NLRP9: variants seen among roughly 807,000 people sequenced by gnomAD.
The protein encoded by NLRP9 is NACHT, LRR and PYD domains-containing protein 9.
NLRP9 carries 88 observed loss-of-function variants against 83.1 expected under a neutral mutation model. The ratio of observed to expected loss-of-function variants is 1.06; its 90% CI spans 0.89 to 1.26. The LOEUF is 1.26. Ranked by LOEUF, NLRP9 falls within the 50% of genes most tolerant of loss-of-function variation. The pLI is 0.00. For synonymous variants in NLRP9, 521 were observed against 447.6 expected, an observed-to-expected ratio of 1.16 and a Z score of -2.07; for missense variants, 1,308 against 1,179.3, an observed-to-expected ratio of 1.11 and a Z score of -1.60.
intron 6 of NLRP9, among the ~76,000 whole-genome samples, chr19:55,713,382 C>A (rs893235259): frequency 9.2e-5 from 14 of 151,750 alleles, no homozygotes; most frequent in Non-Finnish European, 1.2e-4. Context: ...CATATAGATA[C>A]ATGATACACA....
chr19:55,733,965 C>T (rs1207699059), intron 1 of NLRP9, among the ~76,000 whole-genome samples: 1 of 132,556 alleles, frequency 7.5e-6, no homozygotes, highest in Non-Finnish European at 1.5e-5. Flanking sequence ...CTCTGTCGCC[C>T]AGGCTGGAGT....
intron 3 of NLRP9, among the ~76,000 whole-genome samples, chr19:55,725,755 G>C (rs1008283142): frequency 6.6e-5 from 10 of 152,140 alleles, no homozygotes; most frequent in African/African-American, 2.4e-4. Context: ...GGCCGGGCGC[G>C]GTGGCTCCCG....
intron 8 of NLRP9, chr19:55,711,586 T>C (rs1234617668): frequency 2.2e-6 from 2 of 909,846 alleles, no homozygotes; most frequent in African/African-American, 1.6e-5. Context: ...AGGGAAGTGC[T>C]ACTGGCAACT....
chr19:55,711,930 TGTC>T lies in NLRP9; in HGVS notation c.2710_2712del (p.Asp904del), dbSNP rs766403840. 5 of 1,613,110 alleles carry T rather than the reference TGTC, an allele frequency of 3.1e-6. No homozygotes were observed. In the South Asian group the frequency reaches 3.3e-5, roughly 11 times the overall value. On this transcript the variant is annotated inframe_deletion, in exon 8 of 9. Transcript: ENST00000332836. ...TTGCAGGCGATGAGTGCTGCGGCGA[TGTC>T]GTCGCAGCAGGCACGGGTGATCGGA... is the stretch of plus-strand genomic sequence containing the variant.
In NLRP9 at chr19:55,712,547, C is replaced by T; in HGVS notation, c.2545G>A (p.Ala849Thr). 1 of 1,612,592 alleles carries T rather than the reference C, an allele frequency of 6.2e-7. No homozygotes were observed. Among genetic ancestry groups the T allele is most frequent in the Non-Finnish European group, 8.5e-7 (1 of 1,179,878 alleles). The stretch of plus-strand genomic sequence containing the variant: ...TTCCCATTGCAAATAAGAACAGCAG[C>T]AATGTCCTTACAGGAATCGGAAGTA... ...FLTSDSCKDI[A>T]AVLICNGKLK... Residue 849 changes from alanine (A) to threonine (T), a missense_variant, in exon 7 of 9, where the codon GCT becomes ACT. Transcript: ENST00000332836.
At chr19:55,711,339 ACT>A in intron 8 of NLRP9, 1 of 1,098,226 alleles carries the variant, frequency 9.1e-7, no homozygotes, top group African/African-American at 1.7e-5. Flanking sequence ...AATAGGTACA[ACT>A]CTAAAGGCAA....
chr19:55,709,150 G>C (rs184959186), intron 8 of NLRP9, 106 bp from the exon 9 acceptor site: 5 of 721,040 alleles, frequency 6.9e-6, no homozygotes, highest in Non-Finnish European at 1.1e-5. Flanking sequence ...TTCTTTCCTA[G>C]AAATCACTGG....
rs753537736 is a variant in NLRP9, at chr19:55,732,155, G to A, written c.1676C>T (p.Thr559Ile). Residue 559 changes from threonine (T) to isoleucine (I), a missense_variant, in exon 2 of 9, where the codon ACC becomes ATC. Physicochemically the swap from Thr to Ile is moderately conservative, Grantham distance 89. Transcript: ENST00000332836. ...TTCTTCAAAGAAATTCATCACTTTG[G>A]TTACAAATTCTTTTTCCTGAGTTTC... Reference protein sequence around the residue: ...LFETQEKEFVTKVMNFFEEVF... With the variant: ...LFETQEKEFVIKVMNFFEEVF... 4 of 1,613,004 alleles carry A rather than the reference G, an allele frequency of 2.5e-6. No homozygotes were observed. The highest frequency in any genetic ancestry group is 3.4e-6 in the Non-Finnish European group (4 of 1,179,764).
Position 55,708,958 on chromosome 19 carries a change from C to G in NLRP9, c.2930G>C (p.Gly977Ala), listed in dbSNP as rs1475572180. The stretch of plus-strand genomic sequence containing the variant: ...CTTGTATTCCTCGTCAATCCAAGGT[C>G]CATGTGAAATGGTCAGATGGGGAAT... ...EKIPHLTISH[G>A]PWIDEEYKIR... Residue 977 changes from glycine (G) to alanine (A), a missense_variant, in exon 9 of 9, where the codon GGA becomes GCA. Transcript: ENST00000332836. 3 of 1,587,946 alleles carry G rather than the reference C, an allele frequency of 1.9e-6. No homozygotes were observed. Among genetic ancestry groups the G allele is most frequent in the Non-Finnish European group, 2.6e-6 (3 of 1,170,316 alleles).
chr19:55,733,714 G>A (rs1988681103), intron 1 of NLRP9, among the ~76,000 whole-genome samples, 164 bp from the exon 2 acceptor site: 1 of 152,158 alleles, frequency 6.6e-6, no homozygotes, highest in South Asian at 2.1e-4. Context: ...ATGATGGGAA[G>A]TGGGGGTCAG....
At chr19:55,734,604 TACAC>T (rs35062004) in intron 1 of NLRP9, among the ~76,000 whole-genome samples, 22 of 132,324 alleles carry the variant, frequency 1.7e-4, no homozygotes, top group East Asian at 1.3e-3. Flanking sequence ...TACATACACA[TACAC>T]ACACACACAC....
Position 55,725,172 on chromosome 19 carries a change from C to T in NLRP9, c.1995-1028G>A, listed in dbSNP as rs115457712. ...TATATGTGTATTTATAAACCAAATA[C>T]GTAACTACAAATATGTGTCTATAAG... On this transcript the variant is annotated intron_variant, in intron 3 of 8. Coordinates refer to ENST00000332836, the MANE Select transcript of NLRP9 (RefSeq NM_176820.4). 1.6e-3 allele frequency among the ~76,000 whole-genome samples: 241 copies of T among 152,208 alleles called. 2 individuals carry two copies. Among genetic ancestry groups the T allele is most frequent in the African/African-American group, 5.4e-3 (223 of 41,530 alleles).
intron 4 of NLRP9, among the ~76,000 whole-genome samples, chr19:55,719,688 CAG>C (rs751879819): frequency 3.4e-4 from 52 of 152,294 alleles, no homozygotes; most frequent in Non-Finnish European, 6.5e-4. Context: ...TCTCTCCTGT[CAG>C]ACCAAGAGGA....
At chr19:55,724,879 G>A (rs892395032) in intron 3 of NLRP9, among the ~76,000 whole-genome samples, 6 of 151,972 alleles carry the variant, frequency 3.9e-5, no homozygotes, top group South Asian at 2.1e-4. Flanking sequence ...GCAACAAGGC[G>A]AAACCCCGTC....
Position 55,733,020 on chromosome 19 carries a change from G to C in NLRP9, c.811C>G (p.Leu271Val). Reference sequence around the variant, plus strand: ...GCCAGTTTTCCTAATGCAATAAGGAGAGAGGATTCTGGAAGCATCTTTTTT... The same window carrying C: ...GCCAGTTTTCCTAATGCAATAAGGACAGAGGATTCTGGAAGCATCTTTTTT... ...LQKKMLPESS[L>V]LIALGKLAMQ... The change falls in exon 2 of 9, where the codon CTC becomes GTC. Residue 271 changes from leucine (L) to valine (V), a missense_variant. Coordinates refer to ENST00000332836, the MANE Select transcript of NLRP9 (RefSeq NM_176820.4). 1 of 1,614,032 alleles carries C rather than the reference G, an allele frequency of 6.2e-7. No individual in the cohort carries two copies. Among genetic ancestry groups the C allele is most frequent in the Non-Finnish European group, 8.5e-7 (1 of 1,180,002 alleles).
At chr19:55,718,985 C>T (rs1988131928) in intron 4 of NLRP9, among the ~76,000 whole-genome samples, 1 of 152,224 alleles carries the variant, frequency 6.6e-6, no homozygotes, top group Non-Finnish European at 1.5e-5. Context: ...CCCAGCTGCA[C>T]ATCTGTATCT....
At position 55,729,970 on chromosome 19, in the gene NLRP9, A is replaced by C; in HGVS notation, c.1855T>G (p.Trp619Gly). 6.2e-7 allele frequency: 1 copy of C among 1,613,390 alleles called. No individual in the cohort carries two copies. The highest frequency in any genetic ancestry group is 8.5e-7 in the Non-Finnish European group (1 of 1,179,694). ...ISDYNEKLVY[W>G]RELCSMFITN... The stretch of plus-strand genomic sequence containing the variant: ...ATGAACATTGAGCAAAGCTCCCGCC[A>C]GTAGACGAGCTTCTCATTGTAACTA... Residue 619 changes from tryptophan to glycine, a missense_variant, in exon 3 of 9, where the codon TGG (tryptophan) becomes GGG (glycine). Physicochemically the swap from Trp to Gly is radical, Grantham distance 184. Coordinates refer to ENST00000332836, the MANE Select transcript of NLRP9 (RefSeq NM_176820.4).
chr19:55,725,619 C>G (rs1008813736), intron 3 of NLRP9, among the ~76,000 whole-genome samples: 1 of 152,044 alleles, frequency 6.6e-6, no homozygotes, highest in African/African-American at 2.4e-5. Context: ...ACCACCTGCC[C>G]GGAGATAAAG....
chr19:55,709,070 T>G (rs775443840), intron 8 of NLRP9, 26 bp from the exon 9 acceptor site: 7 of 1,548,474 alleles, frequency 4.5e-6, no homozygotes, highest in Non-Finnish European at 5.2e-6. Flanking sequence ...TAAAGTTTTT[T>G]TTTTTGTTTT....
Sources: allele counts gnomAD v4.1 joint callset (sites outside exome capture counted in the v4.1 genomes callset), GRCh38; gene constraint gnomAD v4.1.1; transcripts MANE v1.5; gene names NCBI Gene and HGNC (gene_info 2026-07-23, HGNC 2026-07-21).